Variants in CDC42BPA observed in about 807,000 individuals in gnomAD.
The protein encoded by CDC42BPA is CDC42 binding protein kinase alpha.
A neutral mutation model predicts 223.5 loss-of-function variants in CDC42BPA; 80 were observed. The ratio of observed to expected loss-of-function variants is 0.36; its 90% CI spans 0.30 to 0.43. The LOEUF is 0.43. CDC42BPA is among the 20% of genes least tolerant of loss of function. The probability of loss-of-function intolerance (pLI) is 1.00; values close to 1 mark genes in which losing one functional copy is unlikely to be tolerated. For missense variants in CDC42BPA, 1,743 were observed against 2,099.9 expected, an observed-to-expected ratio of 0.83 and a Z score of 3.32; for synonymous variants, 694 against 718.6, an observed-to-expected ratio of 0.97 and a Z score of 0.55.
chr1:227,121,478 T>C (rs1215781263), intron 11 of CDC42BPA, among the ~76,000 whole-genome samples: 4 of 152,234 alleles, frequency 2.6e-5, no homozygotes, highest in African/African-American at 4.8e-5. Context: ...AATAAATTGA[T>C]AGATTTAAAA....
intron 4 of CDC42BPA, among the ~76,000 whole-genome samples, chr1:227,196,440 G>C (rs1670742447): frequency 6.8e-6 from 1 of 147,542 alleles, no homozygotes; most frequent in African/African-American, 2.5e-5. Context: ...CCAGGGTTCA[G>C]GCCATCCTCC....
chr1:227,147,895 G>GT (rs1660976629), intron 6 of CDC42BPA, among the ~76,000 whole-genome samples: 1 of 94,078 alleles, frequency 1.1e-5, no homozygotes, highest in African/African-American at 3.4e-5. Flanking sequence ...ACCTATACGT[G>GT]TAAAAAAAAA....
chr1:227,105,352 TTCTC>T (rs1303997307), intron 14 of CDC42BPA, among the ~76,000 whole-genome samples: 13 of 129,366 alleles, frequency 1.0e-4, no homozygotes, highest in African/African-American at 2.9e-4. Context: ...AATTTGCCTA[TTCTC>T]TTTTTTTTTT....
chr1:227,201,923 T>A (rs1434021701), intron 3 of CDC42BPA, among the ~76,000 whole-genome samples: 2 of 152,194 alleles, frequency 1.3e-5, no homozygotes, highest in African/African-American at 4.8e-5. Flanking sequence ...AAGTGATTAT[T>A]ATTTCCCACA....
chr1:227,163,016 GTATGTTTCCAAACATA>G (rs1664300002), intron 5 of CDC42BPA, among the ~76,000 whole-genome samples: 1 of 57,436 alleles, frequency 1.7e-5, no homozygotes, highest in Non-Finnish European at 4.0e-5. Flanking sequence ...TTCCAAACGT[GTATGTTTCCAAACATA>G]TGTGTTTCCA....
intron 34 of CDC42BPA, among the ~76,000 whole-genome samples, chr1:227,012,065 T>C (rs1166513206): frequency 2.0e-5 from 3 of 152,136 alleles, no homozygotes; most frequent in Non-Finnish European, 4.4e-5. Flanking sequence ...GATATATGAA[T>C]AAAATCAGTA....
At chr1:227,038,215 C>A (rs966021619) in intron 24 of CDC42BPA, among the ~76,000 whole-genome samples, 1 of 134,216 alleles carries the variant, frequency 7.5e-6, no homozygotes, top group African/African-American at 3.0e-5. Context: ...AGTTCCCCTG[C>A]ACATGCTCTC....
At chr1:227,312,754 T>C (rs1490727013) in intron 1 of CDC42BPA, among the ~76,000 whole-genome samples, 3 of 151,878 alleles carry the variant, frequency 2.0e-5, no homozygotes, top group Non-Finnish European at 4.4e-5. Flanking sequence ...AGGAGGGACC[T>C]GGCGGGAGGT....
At chr1:227,135,855 C>CAAAAAAAAAAA (rs1175091904) in intron 10 of CDC42BPA, among the ~76,000 whole-genome samples, 7 of 6,574 alleles carry the variant, frequency 1.1e-3, no homozygotes, top group Non-Finnish European at 1.7e-3. Context: ...CTCTGTCTCC[C>CAAAAAAAAAAA]AAAAAAAAAA....
chr1:227,152,411 C>T (rs538405120), intron 6 of CDC42BPA, among the ~76,000 whole-genome samples: 1 of 152,000 alleles, frequency 6.6e-6, no homozygotes, highest in Non-Finnish European at 1.5e-5. Flanking sequence ...GTGAGTGTTA[C>T]ACGTTGAGTT....
At chr1:227,156,365 G>C (rs775522735) in intron 6 of CDC42BPA, among the ~76,000 whole-genome samples, 8 of 151,364 alleles carry the variant, frequency 5.3e-5, no homozygotes, top group Non-Finnish European at 1.2e-4. Context: ...ATGTTGCTCA[G>C]GCTGGTCTCA....
chr1:227,281,676 A>C (rs758924081), intron 1 of CDC42BPA, among the ~76,000 whole-genome samples: 1 of 145,982 alleles, frequency 6.9e-6, no homozygotes, highest in Non-Finnish European at 1.5e-5. Flanking sequence ...CCTCCCAACC[A>C]CTAGCCTGAG....
chr1:227,016,870 C>G, intron 33 of CDC42BPA, 57 bp downstream of exon 33: 1 of 1,483,820 alleles, frequency 6.7e-7, no homozygotes. Context: ...GTATCATCAC[C>G]GAGTAGTCCT....
intron 3 of CDC42BPA, among the ~76,000 whole-genome samples, chr1:227,207,472 G>A (rs917402699): frequency 2.8e-5 from 4 of 143,052 alleles, no homozygotes; most frequent in Non-Finnish European, 6.1e-5. Context: ...CCACTAAATC[G>A]TCATCTAGCA....
intron 10 of CDC42BPA, 61 bp from the exon 11 acceptor site, chr1:227,129,292 T>G (rs996307255): frequency 8.4e-7 from 1 of 1,192,782 alleles, no homozygotes; most frequent in Middle Eastern, 2.2e-4. Context: ...TTAAAACTAA[T>G]AACATTATTT....
At chr1:226,997,263 T>C (rs2148254646) in intron 35 of CDC42BPA, among the ~76,000 whole-genome samples, 1 of 152,370 alleles carries the variant, frequency 6.6e-6, no homozygotes, top group Non-Finnish European at 1.5e-5. Context: ...TATAGTATTC[T>C]TTGATGGTAG....
chr1:227,147,678 A>T (rs1660936799), intron 6 of CDC42BPA, 119 bp from the exon 7 acceptor site: 4 of 543,038 alleles, frequency 7.4e-6, no homozygotes, highest in Non-Finnish European at 1.2e-5. Flanking sequence ...ATTATCTGAA[A>T]AATAATAATA....
At chr1:227,057,185 T>C (rs1674759044) in intron 21 of CDC42BPA, among the ~76,000 whole-genome samples, 1 of 152,320 alleles carries the variant, frequency 6.6e-6, no homozygotes, top group East Asian at 1.9e-4. Flanking sequence ...TGGAAATCTC[T>C]CTCATCATTT....
rs369403944 is a variant in CDC42BPA, at chr1:227,297,967, T to TATATACACACACACACACAC, written c.178+19037_178+19038insGTGTGTGTGTGTGTGTATAT. 8.3e-5 allele frequency among the ~76,000 whole-genome samples: 11 copies of TATATACACACACACACACAC among 132,066 alleles called. 1 individual carries two copies. Among genetic ancestry groups the TATATACACACACACACACAC allele is most frequent in the African/African-American group, 3.2e-4 (11 of 34,204 alleles). The allele number at this position is 132,066 out of a possible 152,430, so 86.6% of individuals were successfully genotyped here. A position where few individuals can be genotyped will look rare whatever the true frequency, so the allele number is the denominator to read the frequency against. On this transcript the variant is annotated intron_variant, in intron 1 of 36. Transcript: ENST00000366766. ...GTGTGTGTGTGTGTATATATACATA[T>TATATACACACACACACACAC]ACACACACACACACATATATACATA... is the stretch of plus-strand genomic sequence containing the variant.
Sources: gnomAD v4.1 joint callset for allele counts (sites outside exome capture counted in the v4.1 genomes callset) on GRCh38, gnomAD v4.1.1 for gene constraint, MANE v1.5 for transcripts, NCBI Gene and HGNC (gene_info 2026-07-23, HGNC 2026-07-21) for gene names.